The following CDH13 variants were observed in gnomAD, a reference collection of about 807,000 sequenced individuals.
CDH13 encodes the protein cadherin-13.
CDH13 carries 24 observed loss-of-function variants against 63.8 expected under a neutral mutation model. The ratio of observed to expected loss-of-function variants is 0.38; its 90% CI spans 0.27 to 0.53. CDH13 has a LOEUF of 0.53. Ranked by LOEUF, CDH13 falls within the 20% of genes least tolerant of loss-of-function variation. The probability of loss-of-function intolerance (pLI) is 0.85; values close to 1 mark genes in which losing one functional copy is unlikely to be tolerated. For missense variants in CDH13, 1,049 were observed against 903.1 expected (o/e 1.16, Z -2.07); for synonymous variants, 503 against 355.3 (o/e 1.42, Z -4.67).
chr16:83,562,827 C>A (rs1667766677), intron 7 of CDH13, among the ~76,000 whole-genome samples: 1 of 152,138 alleles, frequency 6.6e-6, no homozygotes, highest in African/African-American at 2.4e-5. Context: ...GGTAAACATG[C>A]ATCTGAAAAA....
At chr16:83,206,514 C>T (rs1035647927) in intron 4 of CDH13, among the ~76,000 whole-genome samples, 2 of 152,242 alleles carry the variant, frequency 1.3e-5, no homozygotes, top group Non-Finnish European at 2.9e-5. Context: ...TTCTCACATG[C>T]ACCCGACAGT....
rs1484374208 is a variant in CDH13 at position 82,751,856 on chromosome 16, G to T, written c.46-106506G>T. Among the ~76,000 whole-genome samples, 2 of 152,168 alleles carry T rather than the reference G, an allele frequency of 1.3e-5. 1 individual carries two copies. Among genetic ancestry groups the T allele is most frequent in the Middle Eastern group, 6.3e-3 (2 of 316 alleles). On this transcript the variant is annotated intron_variant, in intron 1 of 13. Coordinates refer to ENST00000567109, the MANE Select transcript of CDH13 (RefSeq NM_001257.5). ...TGTTGGTGAGCGGATGAGAAATGTG[G>T]ATCCTCCCGCAGGTGAGTATAAGGA...
chr16:83,448,528 A>G (rs1000769128), intron 6 of CDH13, among the ~76,000 whole-genome samples: 2 of 152,174 alleles, frequency 1.3e-5, no homozygotes, highest in African/African-American at 4.8e-5. Context: ...GCACTATGAT[A>G]GGGGCCTCTT....
At chr16:83,008,388 T>C (rs996815877) in intron 2 of CDH13, among the ~76,000 whole-genome samples, 11 of 152,100 alleles carry the variant, frequency 7.2e-5, no homozygotes, top group Admixed American at 2.6e-4. Context: ...AATTGCACTG[T>C]AGGCAGAAAG....
chr16:82,686,573 A>T (rs939271065), intron 1 of CDH13, among the ~76,000 whole-genome samples: 1 of 152,246 alleles, frequency 6.6e-6, no homozygotes, highest in East Asian at 1.9e-4. Flanking sequence ...ATGGAAGATG[A>T]GTCCATTATT....
chr16:82,876,131 C>G (rs1681341562), intron 2 of CDH13, among the ~76,000 whole-genome samples: 1 of 152,204 alleles, frequency 6.6e-6, no homozygotes, highest in African/African-American at 2.4e-5. Flanking sequence ...ACCGGTCCCT[C>G]CCATGACATG....
chr16:83,577,240 C>G (rs1371099065), intron 7 of CDH13, among the ~76,000 whole-genome samples: 1 of 152,202 alleles, frequency 6.6e-6, no homozygotes, highest in Non-Finnish European at 1.5e-5. Flanking sequence ...AGCCCCTGTC[C>G]TACTGTGTCC....
intron 7 of CDH13, among the ~76,000 whole-genome samples, chr16:83,507,666 T>C (rs576477521): frequency 1.3e-5 from 2 of 152,332 alleles, no homozygotes; most frequent in East Asian, 3.9e-4. Flanking sequence ...TCTCATCTAA[T>C]GGCACATGCT....
chr16:83,119,388 T>C (rs893329414), intron 3 of CDH13, among the ~76,000 whole-genome samples: 3 of 152,146 alleles, frequency 2.0e-5, no homozygotes, highest in African/African-American at 7.2e-5. Context: ...CCCCTAGAAA[T>C]CTCTGCTTCA....
chr16:83,784,429 C>G (rs1404738325), intron 13 of CDH13, among the ~76,000 whole-genome samples: 3 of 152,030 alleles, frequency 2.0e-5, no homozygotes, highest in East Asian at 1.9e-4. Context: ...ATCAGGAGTT[C>G]AAGACCAGTC....
chr16:82,761,162 T>C (rs915779833), intron 1 of CDH13, among the ~76,000 whole-genome samples: 2 of 150,840 alleles, frequency 1.3e-5, no homozygotes, highest in African/African-American at 4.9e-5. Flanking sequence ...TAACTGGGAG[T>C]ACAGGCATGT....
chr16:83,213,419 CT>C (rs1472072957), intron 4 of CDH13, among the ~76,000 whole-genome samples: 1 of 152,170 alleles, frequency 6.6e-6, no homozygotes, highest in African/African-American at 2.4e-5. Context: ...CCCCCACCCC[CT>C]CCTTGTTTCT....
intron 5 of CDH13, among the ~76,000 whole-genome samples, chr16:83,284,225 G>C (rs534698329): frequency 2.0e-5 from 3 of 152,124 alleles, no homozygotes; most frequent in Admixed American, 6.5e-5. Context: ...TTCTCACTTG[G>C]ATTTTCAATC....
intron 1 of CDH13, among the ~76,000 whole-genome samples, chr16:82,793,322 A>C (rs4783275): frequency 0.46 from 69,735 of 151,886 alleles, 16,874 homozygotes; most frequent in East Asian, 0.6. Flanking sequence ...GCAGTAGCAA[A>C]GGGGAAAAGA....
intron 6 of CDH13, among the ~76,000 whole-genome samples, chr16:83,457,613 G>T (rs1226976423): frequency 2.0e-5 from 3 of 152,066 alleles, no homozygotes; most frequent in African/African-American, 4.8e-5. Flanking sequence ...GTAGCAATAA[G>T]CAGGAGGAGC....
chr16:83,264,603 C>G (rs571234143), intron 5 of CDH13, among the ~76,000 whole-genome samples: 22 of 151,348 alleles, frequency 1.5e-4, no homozygotes, highest in Non-Finnish European at 3.1e-4. Flanking sequence ...CCCTTTAAGA[C>G]TAATGCAATA....
chr16:82,984,749 G>A, intron 2 of CDH13, among the ~76,000 whole-genome samples: 1 of 152,128 alleles, frequency 6.6e-6, no homozygotes, highest in South Asian at 2.1e-4. Flanking sequence ...TTTAAACCTA[G>A]GCAATTCAGT....
At chr16:82,775,688 C>T (rs1448735228) in intron 1 of CDH13, among the ~76,000 whole-genome samples, 1 of 152,144 alleles carries the variant, frequency 6.6e-6, no homozygotes, top group Non-Finnish European at 1.5e-5. Flanking sequence ...GGCATTTTGT[C>T]TTCTCAATTA....
At chr16:83,335,427 A>G (rs756281301) in intron 5 of CDH13, among the ~76,000 whole-genome samples, 2 of 152,014 alleles carry the variant, frequency 1.3e-5, no homozygotes, top group East Asian at 1.9e-4. Context: ...GTCTGAACTT[A>G]CAGTCATGTT....
Sources: allele counts gnomAD v4.1 joint callset (sites outside exome capture counted in the v4.1 genomes callset), GRCh38; gene constraint gnomAD v4.1.1; transcripts MANE v1.5; gene names NCBI Gene and HGNC (gene_info 2026-07-23, HGNC 2026-07-21).